E2F6: variants seen among roughly 807,000 people sequenced by gnomAD.
The protein encoded by E2F6 is transcription factor E2F6.
In E2F6, 19 loss-of-function variants were observed where a neutral mutation model predicts 31.5. That is an observed-to-expected ratio of 0.60 (90% CI 0.42 to 0.89). The LOEUF is 0.89. Ranked by LOEUF, E2F6 falls within the 40% of genes least tolerant of loss-of-function variation. The pLI, the probability that E2F6 is intolerant of heterozygous loss-of-function variation, is 0.00. For synonymous variants in E2F6, 121 were observed against 127.7 expected (o/e 0.95, Z 0.36); for missense variants, 269 against 341.6 (o/e 0.79, Z 1.67).
At chr2:11,458,894 G>A (rs1461435913) in intron 1 of E2F6, among the ~76,000 whole-genome samples, 1 of 152,200 alleles carries the variant, frequency 6.6e-6, no homozygotes, top group Non-Finnish European at 1.5e-5. Flanking sequence ...GGCCTTGGGG[G>A]TAGGGACTAG....
chr2:11,453,649 C>T lies in E2F6; in HGVS notation c.313G>A (p.Asp105Asn), dbSNP rs1426173936. 6.2e-7 allele frequency: 1 copy of T among 1,614,166 alleles called. No individual in the cohort carries two copies. ...KLGVRKRRVY[D>N]ITNVLDGIDL... ...ATTCCATCTAAGACATTGGTGATGT[C>T]ATACACTCTCCGCTTTCGGACTCCC... Residue 105 changes from aspartate to asparagine, a missense_variant, in exon 3 of 7, where the codon GAC (aspartate) becomes AAC (asparagine). Asp to Asn is a conservative substitution (Grantham distance 23). Coordinates refer to ENST00000381525, the MANE Select transcript of E2F6 (RefSeq NM_198256.4).
At chr2:11,458,445 C>A (rs1279303719) in intron 1 of E2F6, 8 of 1,307,956 alleles carry the variant, frequency 6.1e-6, no homozygotes, top group Admixed American at 2.0e-5. Context: ...TGGGAACCCA[C>A]TGAAGTGGCC....
chr2:11,450,307 A>G (rs1670982753), intron 4 of E2F6, among the ~76,000 whole-genome samples, 181 bp from the exon 5 acceptor site: 1 of 152,228 alleles, frequency 6.6e-6, no homozygotes, highest in Admixed American at 6.5e-5. Context: ...TATTATTCAC[A>G]TAAAATTAAG....
chr2:11,458,417 T>G (rs1671548997), intron 1 of E2F6: 2 of 1,507,312 alleles, frequency 1.3e-6, no homozygotes, highest in African/African-American at 2.8e-5. Context: ...TGAAGATGTA[T>G]ATGGCATGGC....
In E2F6 at chr2:11,453,580, A is replaced by G; in HGVS notation, c.380+2T>C. ...CCACGAAAAAGTTTGAAAGCAACTC[A>G]CATCCATCTAATATGGTTCTTGGAT... is the stretch of plus-strand genomic sequence containing the variant. On this transcript the variant is annotated splice_donor_variant, in intron 3 of 6. Coordinates refer to ENST00000381525, the MANE Select transcript of E2F6 (RefSeq NM_198256.4). LOFTEE classifies it high-confidence loss of function. 6.2e-7 allele frequency: 1 copy of G among 1,613,424 alleles called. No homozygotes were observed.
At chr2:11,461,489 T>C (rs1435945563) in intron 1 of E2F6, among the ~76,000 whole-genome samples, 1 of 152,168 alleles carries the variant, frequency 6.6e-6, no homozygotes, top group Non-Finnish European at 1.5e-5. Flanking sequence ...GTAGCTGGGA[T>C]TACAGGCGCA....
rs373815358 is a variant in E2F6, at chr2:11,457,167, G to C, written c.163+12C>G. The C allele has an allele frequency of 1.3e-4, 199 of 1,536,524 alleles. No homozygotes were observed. The highest frequency in any genetic ancestry group is 1.7e-4 in the Non-Finnish European group (189 of 1,114,966). On this transcript the variant is annotated intron_variant, in intron 2 of 6. Coordinates refer to ENST00000381525, the MANE Select transcript of E2F6 (RefSeq NM_198256.4). ...CTAACAAAACCTAAAACCTATTCAG[G>C]AATCAACTTACTTCTCATGGACACA... is the stretch of plus-strand genomic sequence containing the variant.
chr2:11,451,144 A>G (rs1299433128), intron 4 of E2F6: 3 of 152,220 alleles, frequency 2.0e-5, no homozygotes, highest in Non-Finnish European at 4.4e-5. Flanking sequence ...AACTTCACAA[A>G]AGCCAACAAA....
chr2:11,449,971 C>A, intron 5 of E2F6, 41 bp downstream of exon 5: 1 of 1,511,224 alleles, frequency 6.6e-7, no homozygotes, highest in South Asian at 1.1e-5. Flanking sequence ...AGTCGGCCCT[C>A]ATCCCTCTTT....
Position 11,446,542 on chromosome 2 carries a change from G to C in E2F6, c.800-19C>G, listed in dbSNP as rs1670723917. 6.2e-7 allele frequency: 1 copy of C among 1,610,728 alleles called. No homozygotes were observed. The highest frequency in any genetic ancestry group is 8.5e-7 in the Non-Finnish European group (1 of 1,177,272). On this transcript the variant is annotated intron_variant, in intron 6 of 6. Coordinates refer to ENST00000381525, the MANE Select transcript of E2F6 (RefSeq NM_198256.4). ...TTTTCTTCTGGAAAAGAACACGAGA[G>C]AGAAATACACCTAAGTGAATACACC...
intron 6 of E2F6, 36 bp from the exon 7 acceptor site, chr2:11,446,559 G>A: frequency 6.3e-7 from 1 of 1,577,034 alleles, no homozygotes; most frequent in Non-Finnish European, 8.7e-7. Flanking sequence ...ACACCTAAGT[G>A]AATACACCTA....
intron 1 of E2F6, chr2:11,458,366 GA>G (rs1303992149): frequency 6.4e-7 from 1 of 1,551,504 alleles, no homozygotes; most frequent in East Asian, 2.4e-5. Flanking sequence ...GGGGAGAGAA[GA>G]AAAAAGACAG....
intron 3 of E2F6, 130 bp from the exon 4 acceptor site, chr2:11,451,936 T>C (rs1671096861): frequency 1.2e-6 from 1 of 835,106 alleles, no homozygotes; most frequent in South Asian, 1.6e-5. Flanking sequence ...CTAGGGACTT[T>C]TAACTTCTGC....
At chr2:11,459,611 G>A (rs1282660378) in intron 1 of E2F6, among the ~76,000 whole-genome samples, 1 of 152,142 alleles carries the variant, frequency 6.6e-6, no homozygotes, top group African/African-American at 2.4e-5. Flanking sequence ...CAGGCGCGGT[G>A]GCTCATGCCT....
chr2:11,456,379 G>C (rs1671405777), intron 2 of E2F6, among the ~76,000 whole-genome samples: 2 of 152,130 alleles, frequency 1.3e-5, no homozygotes, highest in Non-Finnish European at 1.5e-5. Flanking sequence ...AGCAACTTCA[G>C]CTACAGAGGA....
chr2:11,466,095 A>C lies in E2F6; in HGVS notation c.-216T>G. On this transcript the variant is annotated 5_prime_UTR_variant, in exon 1 of 7. Coordinates refer to ENST00000381525, the MANE Select transcript of E2F6 (RefSeq NM_198256.4). Reference sequence around the variant, plus strand: ...CCGGGAGCTCCCGACGCAGACGGAAAAAGAGGAGGGAGACCCGCGGATCTC... The same window carrying C: ...CCGGGAGCTCCCGACGCAGACGGAACAAGAGGAGGGAGACCCGCGGATCTC... 1 of 506,924 alleles carries C rather than the reference A, an allele frequency of 2.0e-6. No homozygotes were observed. The highest frequency in any genetic ancestry group is 3.4e-6 in the Non-Finnish European group (1 of 290,470). The allele number at this position is 506,924 out of a possible 1,614,324, so 31.4% of individuals were successfully genotyped here. A position where few individuals can be genotyped will look rare whatever the true frequency, so the allele number is the denominator to read the frequency against.
intron 1 of E2F6, among the ~76,000 whole-genome samples, chr2:11,464,715 G>A (rs901068682): frequency 6.6e-6 from 1 of 152,006 alleles, no homozygotes; most frequent in Non-Finnish European, 1.5e-5. Context: ...TCCAGCCACA[G>A]GCAAGCCGGC....
chr2:11,452,064 A>G (rs891059533), intron 3 of E2F6, among the ~76,000 whole-genome samples: 1 of 152,246 alleles, frequency 6.6e-6, no homozygotes, highest in Admixed American at 6.5e-5. Context: ...ATAACAGCAG[A>G]GGCAGCCTAA....
intron 5 of E2F6, among the ~76,000 whole-genome samples, chr2:11,448,038 C>T (rs975797562): frequency 6.6e-6 from 1 of 152,064 alleles, no homozygotes; most frequent in Non-Finnish European, 1.5e-5. Flanking sequence ...GTATTTCAGT[C>T]AAAAATCAGT....
Sources: gnomAD v4.1 joint callset for allele counts (sites outside exome capture counted in the v4.1 genomes callset) on GRCh38, gnomAD v4.1.1 for gene constraint, MANE v1.5 for transcripts, NCBI Gene and HGNC (gene_info 2026-07-23, HGNC 2026-07-21) for gene names.